Variants in PCDH11Y observed in about 807,000 individuals in gnomAD.
The protein encoded by PCDH11Y is protocadherin-11 Y-linked.
For synonymous variants in PCDH11Y, 9 were observed against 83.6 expected (o/e 0.11, Z 4.87); for missense variants, 12 against 224.8 (o/e 0.05, Z 6.05).
rs2124641837 is a variant in PCDH11Y at position 5,136,670 on chromosome Y, GAAATGC to G, written c.3129+35967_3129+35972del. On this transcript the variant is annotated intron_variant, in intron 2 of 4. Transcript: ENST00000400457. Reference sequence around the variant, plus strand: ...TCTGGAAATGAAAGACACACTTAGAGAAATGCAAAATGTAGTGGAAACTTTCAACAG... The same window carrying G: ...TCTGGAAATGAAAGACACACTTAGAGAAAATGTAGTGGAAACTTTCAACAG... 3.0e-4 allele frequency among the ~76,000 whole-genome samples: 10 copies of G among 33,098 alleles called. No homozygotes were observed. In the East Asian group the frequency reaches 8.2e-3, roughly 27 times the overall value. 88.8% of individuals were successfully genotyped at this position (33,098 alleles called of 37,273 possible). A position where few individuals can be genotyped will look rare whatever the true frequency, so the allele number is the denominator to read the frequency against.
At chrY:5,614,481 A>T in intron 4 of PCDH11Y, among the ~76,000 whole-genome samples, 2 of 30,834 alleles carry the variant, frequency 6.5e-5, no homozygotes, top group South Asian at 1.5e-3. Context: ...AATGCTTTAA[A>T]CAATCCAGAT....
intron 1 of PCDH11Y, among the ~76,000 whole-genome samples, chrY:5,010,087 C>G (rs2052546210): frequency 3.4e-5 from 1 of 29,287 alleles, no homozygotes; most frequent in Non-Finnish European, 8.2e-5. Flanking sequence ...CGCGCCTGTA[C>G]TCCCAGCTAC....
chrY:5,173,126 C>A (rs1602879976), intron 2 of PCDH11Y, among the ~76,000 whole-genome samples: 8 of 32,951 alleles, frequency 2.4e-4, no homozygotes, highest in Admixed American at 1.7e-3. Flanking sequence ...CGGCTTCTAG[C>A]GCTGTTTTCT....
chrY:5,362,025 T>G, intron 2 of PCDH11Y, among the ~76,000 whole-genome samples: 13 of 33,040 alleles, frequency 3.9e-4, no homozygotes, highest in Admixed American at 3.7e-3. Flanking sequence ...TATAGGTTTC[T>G]TCTAAGATGC....
intron 4 of PCDH11Y, among the ~76,000 whole-genome samples, chrY:5,633,895 C>T: frequency 3.3e-5 from 1 of 30,374 alleles, no homozygotes; most frequent in Non-Finnish European, 7.8e-5. Flanking sequence ...ATGACTACAT[C>T]TCAAAAATAA....
intron 4 of PCDH11Y, among the ~76,000 whole-genome samples, chrY:5,633,651 C>A (rs2124703947): frequency 4.2e-4 from 14 of 33,469 alleles, no homozygotes; most frequent in Admixed American, 1.3e-3. Context: ...AATCCCAGCA[C>A]TTTGGGAGGC....
intron 4 of PCDH11Y, among the ~76,000 whole-genome samples, chrY:5,641,139 C>A: frequency 3.0e-5 from 1 of 32,833 alleles, no homozygotes; most frequent in Non-Finnish European, 7.5e-5. Flanking sequence ...TTAATCTTTT[C>A]TCTGGATTAG....
chrY:5,408,932 G>C, intron 2 of PCDH11Y, among the ~76,000 whole-genome samples: 1 of 32,492 alleles, frequency 3.1e-5, no homozygotes, highest in Non-Finnish European at 7.5e-5. Context: ...TTTAGGAGCT[G>C]TGGTCTTGGG....
intron 1 of PCDH11Y, among the ~76,000 whole-genome samples, chrY:5,003,097 C>G: frequency 2.9e-5 from 1 of 34,423 alleles, no homozygotes; most frequent in Non-Finnish European, 7.3e-5. Context: ...AGCCCCCCCC[C>G]TTCCAGTCCC....
At chrY:5,441,722 T>C (rs1602926242) in intron 2 of PCDH11Y, among the ~76,000 whole-genome samples, 3 of 34,598 alleles carry the variant, frequency 8.7e-5, no homozygotes, top group Admixed American at 2.6e-4. Flanking sequence ...CTGTTTTACT[T>C]TGGGTCCTGG....
Position 5,005,018 on chromosome Y carries a change from A to G in PCDH11Y, c.-134+4413A>G. On this transcript the variant is annotated intron_variant, in intron 1 of 5. Coordinates refer to the PCDH11Y transcript ENST00000333703. ...AAATAGTCATTCCTAGTCAGTGGCT[A>G]GCCAAGAAATGTATCTGGAAGGTCA... 2.1e-4 allele frequency among the ~76,000 whole-genome samples: 7 copies of G among 34,133 alleles called. No individual in the cohort carries two copies. In the East Asian group the frequency reaches 5.5e-3, roughly 27 times the overall value. The allele number at this position is 34,133 out of a possible 37,273, so 91.6% of individuals were successfully genotyped here. A position where few individuals can be genotyped will look rare whatever the true frequency, so the allele number is the denominator to read the frequency against.
intron 3 of PCDH11Y, among the ~76,000 whole-genome samples, chrY:5,555,336 C>T: frequency 3.1e-5 from 1 of 31,954 alleles, no homozygotes; most frequent in Non-Finnish European, 7.6e-5. Flanking sequence ...AAGGGACTTG[C>T]GTTTTCATGG....
At chrY:5,047,611 T>C in intron 3 of PCDH11Y, among the ~76,000 whole-genome samples, 1 of 33,837 alleles carries the variant, frequency 3.0e-5, no homozygotes, top group Non-Finnish European at 7.3e-5. Flanking sequence ...TCATTGTAAG[T>C]ATAAAGAATA....
At chrY:5,316,005 A>C in intron 2 of PCDH11Y, among the ~76,000 whole-genome samples, 1 of 32,953 alleles carries the variant, frequency 3.0e-5, no homozygotes, top group East Asian at 8.1e-4. Context: ...TTGTCTACCA[A>C]AAGAGTCAAA....
At chrY:5,720,727 G>C in intron 4 of PCDH11Y, among the ~76,000 whole-genome samples, 1 of 32,673 alleles carries the variant, frequency 3.1e-5, no homozygotes, top group Non-Finnish European at 7.5e-5. Flanking sequence ...TTTATCCTAA[G>C]AGCAAACAGC....
At chrY:5,050,715 C>T in intron 3 of PCDH11Y, among the ~76,000 whole-genome samples, 14 of 32,110 alleles carry the variant, frequency 4.4e-4, no homozygotes, top group Non-Finnish European at 9.9e-4. Flanking sequence ...ATATATAAAA[C>T]TCATAGATAT....
chrY:5,185,583 A>AT (rs2052905500), intron 2 of PCDH11Y, among the ~76,000 whole-genome samples: 1 of 28,521 alleles, frequency 3.5e-5, no homozygotes, highest in Admixed American at 3.4e-4. Context: ...TGGGTTCTGT[A>AT]TTCTGTTCTA....
intron 2 of PCDH11Y, among the ~76,000 whole-genome samples, chrY:5,211,487 C>T: frequency 3.1e-5 from 1 of 32,244 alleles, no homozygotes; most frequent in Non-Finnish European, 7.5e-5. Flanking sequence ...TAATTAAAAC[C>T]TTGCTCTCAG....
intron 4 of PCDH11Y, among the ~76,000 whole-genome samples, chrY:5,713,274 T>C: frequency 3.5e-5 from 1 of 28,786 alleles, no homozygotes; most frequent in South Asian, 8.2e-4. Context: ...GGGATTTGTT[T>C]TGTAATATCA....
Sources: gnomAD v4.1 joint callset for allele counts (sites outside exome capture counted in the v4.1 genomes callset) on GRCh38, gnomAD v4.1.1 for gene constraint, MANE v1.5 for transcripts, NCBI Gene and HGNC (gene_info 2026-07-23, HGNC 2026-07-21) for gene names.